NBR1: variants seen among roughly 807,000 people sequenced by gnomAD.
NBR1 encodes the protein NBR1 autophagy cargo receptor, also known as next to BRCA1 gene 1 protein.
Under a neutral mutation model 115.5 loss-of-function variants are expected in NBR1, and 59 were observed. The observed-to-expected ratio is 0.51, with a 90% CI of 0.41 to 0.63. The LOEUF is 0.63. NBR1 is among the 30% of genes least tolerant of loss of function. The pLI, the probability that NBR1 is intolerant of heterozygous loss-of-function variation, is 0.00. For missense variants in NBR1, 1,043 were observed against 1,150.5 expected, an observed-to-expected ratio of 0.91 and a Z score of 1.35; for synonymous variants, 373 against 414.7, an observed-to-expected ratio of 0.90 and a Z score of 1.22.
chr17:43,191,145 T>C (rs1292436616), intron 9 of NBR1, among the ~76,000 whole-genome samples: 1 of 152,066 alleles, frequency 6.6e-6, no homozygotes, highest in Admixed American at 6.5e-5. Flanking sequence ...TTTCAGCTAC[T>C]TGGGAGTCTG....
intron 2 of NBR1, 63 bp from the exon 3 acceptor site, chr17:43,177,872 GT>G (rs907283497): frequency 1.6e-5 from 20 of 1,288,002 alleles, no homozygotes; most frequent in South Asian, 5.6e-5. Context: ...GATTTTGTGG[GT>G]TTTTTTTACT....
chr17:43,186,296 G>T lies in NBR1; in HGVS notation c.254G>T (p.Gly85Val). 6.3e-7 allele frequency: 1 copy of T among 1,587,912 alleles called. No homozygotes were observed. The highest frequency in any genetic ancestry group is 8.6e-7 in the Non-Finnish European group (1 of 1,167,166). Residue 85 changes from glycine to valine, a missense_variant, in exon 6 of 21, where the codon GGG (glycine) becomes GTG (valine). Coordinates refer to ENST00000590996, the MANE Select transcript of NBR1 (RefSeq NM_005899.5). ...GNQLQMQVHE[G>V]HHVVDEAPPP... Reference sequence around the variant, plus strand: ...CAACTGCAGATGCAAGTCCACGAAGGGCACCATGTCGTTGATGAAGCCCCA... The same window carrying T: ...CAACTGCAGATGCAAGTCCACGAAGTGCACCATGTCGTTGATGAAGCCCCA...
chr17:43,201,412 C>T lies in NBR1; in HGVS notation c.2469-274C>T, dbSNP rs527972989. 3.9e-5 allele frequency among the ~76,000 whole-genome samples: 6 copies of T among 152,306 alleles called. No homozygotes were observed. The South Asian group carries it at 1.2e-3, about 32-fold the overall frequency. On this transcript the variant is annotated intron_variant, in intron 17 of 20. Transcript: ENST00000590996. ...TTGACTATAATGTAAACCATTCTCC[C>T]CAAAAGCTAGACATTTCCGTTTATT...
At chr17:43,188,971 A>T in intron 6 of NBR1, 71 bp from the exon 7 acceptor site, 1 of 1,085,364 alleles carries the variant, frequency 9.2e-7, no homozygotes, top group Non-Finnish European at 1.4e-6. Context: ...ACCTCAAAAT[A>T]ATACACTCCA....
At chr17:43,201,361 C>T (rs921500368) in intron 17 of NBR1, among the ~76,000 whole-genome samples, 7 of 152,178 alleles carry the variant, frequency 4.6e-5, no homozygotes, top group African/African-American at 1.7e-4. Context: ...TTCTTGTCTC[C>T]TAATAGTAGG....
rs963075821 is a variant in NBR1 at position 43,184,355 on chromosome 17, C to T, written c.208-1895C>T. ...ATTACAGGCATGACCCACCTCTCAT[C>T]GCCCCAAAATACTATTCTTTTTTTT... On this transcript the variant is annotated intron_variant, in intron 5 of 20. Transcript: ENST00000590996. 4.5e-5 allele frequency among the ~76,000 whole-genome samples: 5 copies of T among 111,326 alleles called. No homozygotes were observed. The East Asian group carries it at 1.4e-3, about 32-fold the overall frequency. The allele number at this position is 111,326 out of a possible 152,430, so 73.0% of individuals were successfully genotyped here.
chr17:43,194,700 G>A lies in NBR1; in HGVS notation c.1674+201G>A, dbSNP rs1470475872. On this transcript the variant is annotated intron_variant, in intron 13 of 20. Transcript: ENST00000590996. ...CTCTTTGAATTGGGAACTCAATCCTGTACTTCCCCACAAACTCCCTTTAGT... is the reference window on the plus strand; with the variant it reads ...CTCTTTGAATTGGGAACTCAATCCTATACTTCCCCACAAACTCCCTTTAGT... The A allele has an allele frequency of 1.2e-5, 8 of 665,866 alleles. No individual in the cohort carries two copies. In the East Asian group the frequency reaches 1.4e-4, roughly 11 times the overall value. 41.2% of individuals were successfully genotyped at this position (665,866 alleles called of 1,614,324 possible).
chr17:43,207,315 G>A (rs1306099010), intron 20 of NBR1, among the ~76,000 whole-genome samples: 4 of 152,120 alleles, frequency 2.6e-5, no homozygotes, highest in African/African-American at 9.7e-5. Context: ...ATAAAATAGT[G>A]TAGTATTTAT....
At chr17:43,202,767 C>T in intron 19 of NBR1, 55 bp downstream of exon 19, 1 of 1,410,484 alleles carries the variant, frequency 7.1e-7, no homozygotes, top group East Asian at 2.5e-5. Flanking sequence ...TCTTGTATTC[C>T]TTCTGCTTAA....
intron 3 of NBR1, among the ~76,000 whole-genome samples, chr17:43,178,291 TC>T (rs2056575188): frequency 1.3e-5 from 2 of 150,184 alleles, no homozygotes; most frequent in Admixed American, 6.6e-5. Flanking sequence ...CAAGCAGTCC[TC>T]CCACCTCAGC....
intron 6 of NBR1, among the ~76,000 whole-genome samples, chr17:43,186,723 T>C (rs779601318): frequency 1.3e-5 from 2 of 151,534 alleles, no homozygotes; most frequent in Non-Finnish European, 2.9e-5. Context: ...CCTGTGTCCA[T>C]GTGTTCTCAT....
In NBR1 at chr17:43,196,557, A is replaced by G. The variant is rs562018483; in HGVS notation, c.1827A>G (p.Glu609=). The change falls in exon 15 of 21, where the codon GAA becomes GAG. Residue 609 remains glutamate (E), a synonymous_variant. Coordinates refer to ENST00000590996, the MANE Select transcript of NBR1 (RefSeq NM_005899.5). ...IEKPGLGQIE[E]ENEGAGFKAL... Reference sequence around the variant, plus strand: ...AGCCAGGCTTGGGGCAGATAGAGGAAGAGAATGAAGGGGCAGGATTTAAAG... The same window carrying G: ...AGCCAGGCTTGGGGCAGATAGAGGAGGAGAATGAAGGGGCAGGATTTAAAG... The G allele has an allele frequency of 5.9e-5, 95 of 1,605,944 alleles. 1 individual carries two copies. The highest frequency in any genetic ancestry group is 2.2e-4 in the Admixed American group (13 of 57,928).
intron 16 of NBR1, 47 bp from the exon 17 acceptor site, chr17:43,200,120 G>C (rs1200066816): frequency 2.1e-6 from 3 of 1,441,776 alleles, no homozygotes; most frequent in Non-Finnish European, 2.8e-6. Flanking sequence ...TAGTACTTAG[G>C]CCTGCTTTTA....
chr17:43,210,013 T>C lies in NBR1; in HGVS notation c.2840T>C (p.Leu947Pro), dbSNP rs747779805. ...CTGAAGAAACACAATTACAATATCC[T>C]GCAGGTTGTGACAGAACTTCTTCAG... ...RLLKKHNYNILQVVTELLQLN... is the reference protein window; with the variant it reads ...RLLKKHNYNIPQVVTELLQLN... Residue 947 changes from leucine (L) to proline (P), a missense_variant, in exon 21 of 21, where the codon CTG (leucine) becomes CCG (proline). Transcript: ENST00000590996. 9 of 1,613,502 alleles carry C rather than the reference T, an allele frequency of 5.6e-6. No individual in the cohort carries two copies. The highest frequency in any genetic ancestry group is 6.8e-6 in the Non-Finnish European group (8 of 1,179,660).
rs1176453201 is a variant in NBR1 at position 43,200,373 on chromosome 17, C to T, written c.2233C>T (p.Pro745Ser). Reference sequence around the variant, plus strand: ...GCCTGAGTGCTTTGATACCAGCCGCCCCCTGGGGGATTCTATGTACAGCTC... The same window carrying T: ...GCCTGAGTGCTTTGATACCAGCCGCTCCCTGGGGGATTCTATGTACAGCTC... ...ILPECFDTSR[P>S]LGDSMYSSAL... The change falls in exon 17 of 21, where the codon CCC (proline) becomes TCC (serine). Residue 745 changes from proline to serine, a missense_variant. By Grantham distance (74) the Pro-to-Ser change is moderately conservative. Coordinates refer to ENST00000590996, the MANE Select transcript of NBR1 (RefSeq NM_005899.5). 4 of 1,572,154 alleles carry T rather than the reference C, an allele frequency of 2.5e-6. No individual in the cohort carries two copies. In the African/African-American group the frequency reaches 5.4e-5, roughly 21 times the overall value.
At chr17:43,200,942 C>T (rs2057185008) in intron 17 of NBR1, among the ~76,000 whole-genome samples, 2 of 147,522 alleles carry the variant, frequency 1.4e-5, no homozygotes, top group Admixed American at 1.4e-4. Flanking sequence ...AATCTTGGCT[C>T]ACTGCCACCT....
In NBR1 at chr17:43,194,406, A is replaced by C. The variant is rs1597996238; in HGVS notation, c.1581A>C (p.Thr527=). 1 of 1,614,030 alleles carries C rather than the reference A, an allele frequency of 6.2e-7. No individual in the cohort carries two copies. Among genetic ancestry groups the C allele is most frequent in the Non-Finnish European group, 8.5e-7 (1 of 1,179,898 alleles). ...AGCTTGGTGAAGTGACTGAGCAGACAGAAGGGACAGCAGCCTGCATCCCAC... is the reference window on the plus strand; with the variant it reads ...AGCTTGGTGAAGTGACTGAGCAGACCGAAGGGACAGCAGCCTGCATCCCAC... ...ERQLGEVTEQ[T]EGTAACIPQK... The change falls in exon 13 of 21, where the codon ACA becomes ACC. Residue 527 remains threonine (T), a synonymous_variant. Transcript: ENST00000590996.
intron 18 of NBR1, 38 bp from the exon 19 acceptor site, chr17:43,202,617 T>C: frequency 2.0e-6 from 3 of 1,500,778 alleles, no homozygotes; most frequent in Non-Finnish European, 2.7e-6. Context: ...TAGGTGCTTA[T>C]GGATGCTGCA....
chr17:43,194,448 T>C lies in NBR1; in HGVS notation c.1623T>C (p.Val541=). Residue 541 remains valine (V), a synonymous_variant, in exon 13 of 21, where the codon GTT becomes GTC. Coordinates refer to ENST00000590996, the MANE Select transcript of NBR1 (RefSeq NM_005899.5). ...AACIPQKAKN[V]ASERELYIPS... ...GCATCCCACAGAAGGCAAAAAATGT[T>C]GCCAGTGAGAGGGAGCTCTACATCC... is the stretch of plus-strand genomic sequence containing the variant. 6.2e-7 allele frequency: 1 copy of C among 1,613,966 alleles called. No homozygotes were observed. The highest frequency in any genetic ancestry group is 8.5e-7 in the Non-Finnish European group (1 of 1,179,872).
Sources: allele counts gnomAD v4.1 joint callset (sites outside exome capture counted in the v4.1 genomes callset), GRCh38; gene constraint gnomAD v4.1.1; transcripts MANE v1.5; gene names NCBI Gene and HGNC (gene_info 2026-07-23, HGNC 2026-07-21).